OR7E24: variants seen among roughly 807,000 people sequenced by gnomAD.
OR7E24 encodes the protein olfactory receptor family 7 subfamily E member 24, also known as olfactory receptor 7E24.
For synonymous variants in OR7E24, 130 were observed against 157.5 expected, an observed-to-expected ratio of 0.83 and a Z score of 1.31; for missense variants, 385 against 410.3, an observed-to-expected ratio of 0.94 and a Z score of 0.53.
chr19:9,238,485 C>T, the OR7E24 span, among the ~76,000 whole-genome samples: 1 of 152,178 alleles, frequency 6.6e-6, no homozygotes, highest in South Asian at 2.1e-4. Flanking sequence ...AAGAATTCCT[C>T]ATATATTCAG....
the OR7E24 span, among the ~76,000 whole-genome samples, chr19:9,237,298 A>AATTT: frequency 9.6e-3 from 1,434 of 149,012 alleles, 18 homozygotes; most frequent in African/African-American, 0.031. Context: ...GTTTTTTTAA[A>AATTT]ATTTATTTAT....
At chr19:9,214,979 A>G in the OR7E24 span, 1 of 600,904 alleles carries the variant, frequency 1.7e-6, no homozygotes, top group Non-Finnish European at 3.0e-6. Context: ...AAGACAATGA[A>G]TCTCTCAGGA....
At chr19:9,210,791 C>A in the OR7E24 span, 1 of 152,052 alleles carries the variant, frequency 6.6e-6, no homozygotes, top group East Asian at 1.9e-4. Context: ...CAATCAGAAG[C>A]TGCTGGGAAC....
the OR7E24 span, chr19:9,213,294 G>C: frequency 6.6e-6 from 1 of 152,316 alleles, no homozygotes; most frequent in African/African-American, 2.4e-5. Flanking sequence ...CTCAGAAAGA[G>C]TGGTAAGAAA....
At chr19:9,244,765 T>G (rs1372370184), upstream of OR7E24, among the ~76,000 whole-genome samples, 1 of 152,092 alleles carries the variant, frequency 6.6e-6, no homozygotes, top group African/African-American at 2.4e-5. Flanking sequence ...CCTTTGTAAC[T>G]CAAAGGATAT....
In OR7E24 at chr19:9,251,521, G is replaced by A; in HGVS notation, c.478G>A (p.Gly160Ser). The part of the protein sequence containing the change: ...YRIIMNPRLC[G>S]FLILLSFFIS... The stretch of plus-strand genomic sequence containing the variant: ...AATCATCATGAACCCACGCCTCTGT[G>A]GCTTCTTAATCTTGTTGTCTTTTTT... The change falls in exon 1 of 1, where the codon GGC becomes AGC. Residue 160 changes from glycine (G) to serine (S), a missense_variant. Gly to Ser is a moderately conservative substitution (Grantham distance 56). Transcript: ENST00000456448. 1 of 1,614,034 alleles carries A rather than the reference G, an allele frequency of 6.2e-7. No homozygotes were observed. Among genetic ancestry groups the A allele is most frequent in the Non-Finnish European group, 8.5e-7 (1 of 1,180,018 alleles).
At chr19:9,219,667 C>G in the OR7E24 span, 1 of 152,198 alleles carries the variant, frequency 6.6e-6, no homozygotes, top group Non-Finnish European at 1.5e-5. Flanking sequence ...TTTTAAGTTT[C>G]CAGTGTCTCA....
At chr19:9,229,857 A>G in the OR7E24 span, among the ~76,000 whole-genome samples, 1 of 152,152 alleles carries the variant, frequency 6.6e-6, no homozygotes, top group South Asian at 2.1e-4. Flanking sequence ...CCAGCCTTGG[A>G]AAAAACACAA....
At chr19:9,210,320 T>C in the OR7E24 span, 2 of 152,062 alleles carry the variant, frequency 1.3e-5, no homozygotes, top group East Asian at 3.8e-4. Flanking sequence ...AGAACCATAA[T>C]ATCTGGCTGG....
chr19:9,240,913 G>A, the OR7E24 span, among the ~76,000 whole-genome samples: 1 of 152,048 alleles, frequency 6.6e-6, no homozygotes, highest in Non-Finnish European at 1.5e-5. Flanking sequence ...TGCCTCCCGG[G>A]TTCAAGTGAT....
At chr19:9,246,014 T>G (rs1029712361), upstream of OR7E24, among the ~76,000 whole-genome samples, 11 of 151,446 alleles carry the variant, frequency 7.3e-5, no homozygotes, top group African/African-American at 2.7e-4. Flanking sequence ...TATTTTTTTT[T>G]CGCTTCGGCG....
Position 9,251,917 on chromosome 19 carries a change from G to A in OR7E24, c.874G>A (p.Ala292Thr). 6.2e-7 allele frequency: 1 copy of A among 1,614,114 alleles called. No homozygotes were observed. Residue 292 changes from alanine to threonine, a missense_variant, in exon 1 of 1, where the codon GCT becomes ACT. Ala to Thr is a moderately conservative substitution (Grantham distance 58). Coordinates refer to ENST00000456448, the MANE Select transcript of OR7E24 (RefSeq NM_001079935.2). ...VLPSPRKSMV[A>T]SVMYTVVTPM... ...ACCATCCCCCAGGAAGAGTATGGTGGCTTCAGTGATGTACACTGTGGTCAC... is the reference window on the plus strand; with the variant it reads ...ACCATCCCCCAGGAAGAGTATGGTGACTTCAGTGATGTACACTGTGGTCAC...
chr19:9,217,662 C>T, the OR7E24 span, among the ~76,000 whole-genome samples: 2 of 152,108 alleles, frequency 1.3e-5, no homozygotes, highest in Non-Finnish European at 2.9e-5. Context: ...TCTCAGCCTC[C>T]TGAGTAGCTG....
At chr19:9,226,082 G>C in the OR7E24 span, among the ~76,000 whole-genome samples, 6 of 152,216 alleles carry the variant, frequency 3.9e-5, no homozygotes, top group African/African-American at 1.4e-4. Flanking sequence ...CCTGCCAGGT[G>C]GGAGCTCCTC....
chr19:9,212,676 GA>G, the OR7E24 span: 3 of 152,120 alleles, frequency 2.0e-5, no homozygotes, highest in East Asian at 1.9e-4. Flanking sequence ...ATATTACTAG[GA>G]ACCATTTGAC....
chr19:9,246,524 C>T (rs914900989), upstream of OR7E24, among the ~76,000 whole-genome samples: 2 of 137,716 alleles, frequency 1.5e-5, no homozygotes, highest in African/African-American at 5.4e-5. Context: ...GTTTTCTTCT[C>T]CCCTTGTGCG....
At chr19:9,240,156 G>C in the OR7E24 span, among the ~76,000 whole-genome samples, 1 of 152,140 alleles carries the variant, frequency 6.6e-6, no homozygotes, top group South Asian at 2.1e-4. Flanking sequence ...ACAGGCCTGA[G>C]CCACCACACC....
chr19:9,231,198 C>T, the OR7E24 span, among the ~76,000 whole-genome samples: 969 of 151,530 alleles, frequency 6.4e-3, 10 homozygotes, highest in African/African-American at 0.022. Context: ...GGGATTATTA[C>T]AGGTGTCAGC....
the OR7E24 span, among the ~76,000 whole-genome samples, chr19:9,224,780 G>A: frequency 2.0e-5 from 3 of 150,370 alleles, no homozygotes; most frequent in African/African-American, 7.4e-5. Context: ...AAAAAAAAAA[G>A]AGAGAGAGAT....
Sources: gnomAD v4.1 joint callset for allele counts (sites outside exome capture counted in the v4.1 genomes callset) on GRCh38, gnomAD v4.1.1 for gene constraint, MANE v1.5 for transcripts, NCBI Gene and HGNC (gene_info 2026-07-23, HGNC 2026-07-21) for gene names.